The following BAHCC1 variants were observed in gnomAD, a reference collection of about 807,000 sequenced individuals.
BAHCC1 encodes BAH and coiled-coil domain-containing protein 1.
BAHCC1 carries 43 observed loss-of-function variants against 88.2 expected under a neutral mutation model. That is an observed-to-expected ratio of 0.49 (90% CI 0.38 to 0.63). The LOEUF is 0.63. BAHCC1 is among the 20% of genes least tolerant of loss of function. BAHCC1 has a pLI of 0.00. For missense variants in BAHCC1, 3,023 were observed against 1,654.8 expected (o/e 1.83, Z -14.34); for synonymous variants, 1,510 against 745.5 (o/e 2.03, Z -16.71).
intron 11 of BAHCC1, 151 bp from the exon 12 acceptor site, chr17:81,451,517 C>T: frequency 1.7e-6 from 1 of 602,926 alleles, no homozygotes; most frequent in African/African-American, 1.8e-5. Context: ...TGGGTGTCAG[C>T]CCTGGTGCCC....
chr17:81,457,269 C>A, intron 16 of BAHCC1, 141 bp from the exon 17 acceptor site: 1 of 619,998 alleles, frequency 1.6e-6, no homozygotes, highest in Non-Finnish European at 2.9e-6. Flanking sequence ...CAAAGCAGCC[C>A]CACAGAGCGG....
At chr17:81,437,269 C>T (rs1159541271) in intron 3 of BAHCC1, among the ~76,000 whole-genome samples, 1 of 152,270 alleles carries the variant, frequency 6.6e-6, no homozygotes, top group East Asian at 1.9e-4. Flanking sequence ...CAGCCAGCCG[C>T]TCGGCCCTCA....
intron 2 of BAHCC1, chr17:81,410,086 A>G: frequency 2.7e-6 from 1 of 372,924 alleles, no homozygotes; most frequent in African/African-American, 2.1e-5. Context: ...GCCCTGCTGG[A>G]GGGTTGAGTG....
rs2063943987 is a variant in BAHCC1 at position 81,411,075 on chromosome 17, C to G, written c.178+11158C>G. On this transcript the variant is annotated intron_variant, in intron 2 of 27. Transcript: ENST00000675386. The surrounding 1 kb of genome is among the most constrained non-coding windows in gnomAD (Gnocchi z 6.2). ...GCCTCCCCTCGGGCCTGAGGGGTCC[C>G]TCTCTCTGGGGTCACGCTCCCTTGT... 2 of 519,280 alleles carry G rather than the reference C, an allele frequency of 3.9e-6. No homozygotes were observed. Among genetic ancestry groups the G allele is most frequent in the Non-Finnish European group, 7.7e-6 (2 of 259,750 alleles). 32.2% of individuals were successfully genotyped at this position (519,280 alleles called of 1,614,324 possible).
At chr17:81,433,946 C>T (rs1251815164) in intron 3 of BAHCC1, among the ~76,000 whole-genome samples, 7 of 152,338 alleles carry the variant, frequency 4.6e-5, no homozygotes, top group South Asian at 2.1e-4. Flanking sequence ...TGCTGAGTTG[C>T]GGGCGGGTGG....
intron 2 of BAHCC1, among the ~76,000 whole-genome samples, chr17:81,423,996 G>A (rs1209968438): frequency 2.0e-5 from 3 of 152,246 alleles, no homozygotes; most frequent in African/African-American, 7.2e-5. Context: ...ACCCAGAGGT[G>A]AGCGCCATCC....
chr17:81,461,816 G>A lies in BAHCC1; in HGVS notation c.7153G>A (p.Ala2385Thr), dbSNP rs782815861. ...ALRSKGSGPH[A>T]HAQRCFLSRA... is the part of the protein sequence containing the mutation. ...GCGCTCCAAGGGCAGCGGCCCTCAC[G>A]CGCATGCCCAGCGCTGCTTCCTGTC... The change falls in exon 26 of 28, where the codon GCG becomes ACG. Residue 2385 changes from alanine to threonine, a missense_variant. Physicochemically the swap from Ala to Thr is moderately conservative, Grantham distance 58. Coordinates refer to ENST00000675386, the MANE Select transcript of BAHCC1 (RefSeq NM_001377448.1). 3.2e-5 allele frequency: 23 copies of A among 717,204 alleles called. No homozygotes were observed. Among genetic ancestry groups the A allele is most frequent in the Non-Finnish European group, 5.7e-5 (22 of 384,966 alleles). 44.4% of individuals were successfully genotyped at this position (717,204 alleles called of 1,614,324 possible).
At position 81,442,223 on chromosome 17, in the gene BAHCC1, G is replaced by A. The variant is rs1417470561; in HGVS notation, c.874G>A (p.Gly292Ser). 9.3e-6 allele frequency: 6 copies of A among 641,974 alleles called. No individual in the cohort carries two copies. The highest frequency in any genetic ancestry group is 2.5e-4 in the Middle Eastern group (1 of 3,938). The allele number at this position is 641,974 out of a possible 1,614,324, so 39.8% of individuals were successfully genotyped here. The change falls in exon 5 of 28, where the codon GGC becomes AGC. Residue 292 changes from glycine (G) to serine (S), a missense_variant. Coordinates refer to ENST00000675386, the MANE Select transcript of BAHCC1 (RefSeq NM_001377448.1). Reference sequence around the variant, plus strand: ...CCTCCTCAACACCAAGGTGCTCAACGGCGAGATGGGCAGGGCTGCGCTAGC... The same window carrying A: ...CCTCCTCAACACCAAGGTGCTCAACAGCGAGATGGGCAGGGCTGCGCTAGC... ...SCLLNTKVLNGEMGRAALASC... is the reference protein window; with the variant it reads ...SCLLNTKVLNSEMGRAALASC...
At chr17:81,418,047 G>T (rs914045066) in intron 2 of BAHCC1, among the ~76,000 whole-genome samples, 3 of 152,248 alleles carry the variant, frequency 2.0e-5, no homozygotes, top group Non-Finnish European at 4.4e-5. Context: ...TGGTGGGGAG[G>T]TTTGGTGGCC....
chr17:81,438,512 G>C lies in BAHCC1; in HGVS notation c.481+20G>C. The C allele has an allele frequency of 2.6e-6, 2 of 758,328 alleles. No individual in the cohort carries two copies. Among genetic ancestry groups the C allele is most frequent in the African/African-American group, 1.7e-5 (1 of 58,932 alleles). 47.0% of individuals were successfully genotyped at this position (758,328 alleles called of 1,614,324 possible). A position where few individuals can be genotyped will look rare whatever the true frequency, so the allele number is the denominator to read the frequency against. ...AAAAAGGCAAGTGCAGCATGGGACCGGCGTGGGGAGCAGGCATGCTGGAGG... is the reference window on the plus strand; with the variant it reads ...AAAAAGGCAAGTGCAGCATGGGACCCGCGTGGGGAGCAGGCATGCTGGAGG... On this transcript the variant is annotated intron_variant, in intron 4 of 27. Transcript: ENST00000675386.
chr17:81,422,358 CAT>C (rs1179591697), intron 2 of BAHCC1, among the ~76,000 whole-genome samples: 3 of 152,300 alleles, frequency 2.0e-5, no homozygotes, highest in Non-Finnish European at 4.4e-5. Flanking sequence ...AATACAAAGA[CAT>C]AATGTTTGTA....
rs1269569992 is a variant in BAHCC1, at chr17:81,399,556, G to A, written c.-184G>A. 1.8e-5 allele frequency: 7 copies of A among 385,082 alleles called. No individual in the cohort carries two copies. Among genetic ancestry groups the A allele is most frequent in the African/African-American group, 2.2e-5 (1 of 45,084 alleles). 23.9% of individuals were successfully genotyped at this position (385,082 alleles called of 1,614,324 possible). Reference sequence around the variant, plus strand: ...CAGACCATGGACCCGCACAGCGGCCGCTGGCTCGGTGCGCGGCCGCCCGCC... The same window carrying A: ...CAGACCATGGACCCGCACAGCGGCCACTGGCTCGGTGCGCGGCCGCCCGCC... On this transcript the variant is annotated 5_prime_UTR_variant, in exon 2 of 28. Coordinates refer to ENST00000675386, the MANE Select transcript of BAHCC1 (RefSeq NM_001377448.1). This position sits in a 1 kb window ranked among gnomAD's most constrained non-coding sequence, Gnocchi z 4.5.
Position 81,399,663 on chromosome 17 carries a change from C to A in BAHCC1, c.-77C>A. On this transcript the variant is annotated 5_prime_UTR_variant, in exon 2 of 28. Coordinates refer to ENST00000675386, the MANE Select transcript of BAHCC1 (RefSeq NM_001377448.1). The surrounding 1 kb of genome is among the most constrained non-coding windows in gnomAD (Gnocchi z 4.5). ...CCCGGACGCCGCCGCCTCTGCGCCGCCCGCGCGCCGAGCCGCCCCCGGGCC... is the reference window on the plus strand; with the variant it reads ...CCCGGACGCCGCCGCCTCTGCGCCGACCGCGCGCCGAGCCGCCCCCGGGCC... 1 of 923,698 alleles carries A rather than the reference C, an allele frequency of 1.1e-6. No homozygotes were observed. The highest frequency in any genetic ancestry group is 1.3e-6 in the Non-Finnish European group (1 of 772,738). 57.2% of individuals were successfully genotyped at this position (923,698 alleles called of 1,614,324 possible). A position where few individuals can be genotyped will look rare whatever the true frequency, so the allele number is the denominator to read the frequency against.
chr17:81,461,730 T>G lies in BAHCC1; in HGVS notation c.7067T>G (p.Leu2356Arg). Residue 2356 changes from leucine (L) to arginine (R), a missense_variant, in exon 26 of 28, where the codon CTG becomes CGG. Leu to Arg is a moderately radical substitution (Grantham distance 102). Coordinates refer to ENST00000675386, the MANE Select transcript of BAHCC1 (RefSeq NM_001377448.1). ...SYSSDDEDPA[L>R]LLQTCLTHPV... Reference sequence around the variant, plus strand: ...AGCTCAGACGACGAGGACCCGGCTCTGCTGCTGCAGACCTGCCTCACCCAC... The same window carrying G: ...AGCTCAGACGACGAGGACCCGGCTCGGCTGCTGCAGACCTGCCTCACCCAC... The G allele has an allele frequency of 1.4e-6, 1 of 718,576 alleles. No homozygotes were observed. Among genetic ancestry groups the G allele is most frequent in the Non-Finnish European group, 2.6e-6 (1 of 385,776 alleles). The allele number at this position is 718,576 out of a possible 1,614,324, so 44.5% of individuals were successfully genotyped here. A position where few individuals can be genotyped will look rare whatever the true frequency, so the allele number is the denominator to read the frequency against.
chr17:81,403,516 C>CA (rs1555646404), intron 2 of BAHCC1, among the ~76,000 whole-genome samples: 1 of 151,110 alleles, frequency 6.6e-6, no homozygotes, highest in East Asian at 1.9e-4. Flanking sequence ...TACCAAAAAA[C>CA]ACAACCAAAA....
chr17:81,422,819 G>A, intron 2 of BAHCC1: 1 of 431,416 alleles, frequency 2.3e-6, no homozygotes, highest in Non-Finnish European at 4.7e-6. Context: ...AGGCGGGAGG[G>A]ACTTCCCCAG....
intron 2 of BAHCC1, chr17:81,422,837 TG>T: frequency 2.5e-6 from 1 of 398,908 alleles, no homozygotes; most frequent in South Asian, 1.8e-5. Context: ...CAGGAGGGTG[TG>T]GGGGTGGGAA....
At position 81,434,744 on chromosome 17, in the gene BAHCC1, T is replaced by G. The variant is rs868925951; in HGVS notation, c.359-3626T>G. Among the ~76,000 whole-genome samples the G allele has an allele frequency of 7.5e-4, 114 of 152,102 alleles. No homozygotes were observed. The Middle Eastern group carries it at 0.024, about 32-fold the overall frequency. On this transcript the variant is annotated intron_variant, in intron 3 of 27. Coordinates refer to ENST00000675386, the MANE Select transcript of BAHCC1 (RefSeq NM_001377448.1). The surrounding 1 kb of genome is among the most constrained non-coding windows in gnomAD (Gnocchi z 4.9). ...AGGGATGCTCCCTGGAAGGGCAGCC[T>G]GGGGGGTGGGTTGTGGCCACCTCCC... is the stretch of plus-strand genomic sequence containing the variant.
rs1008067787 is a variant in BAHCC1 at position 81,452,741 on chromosome 17, G to A, written c.4335G>A (p.Arg1445=). The change falls in exon 14 of 28, where the codon CGG becomes CGA. Residue 1445 remains arginine (R), a synonymous_variant. Transcript: ENST00000675386. Reference sequence around the variant, plus strand: ...CCCCCAGGAGAGACGAGAGTTCACGGAGCCCTGCACGGCGGGGGCCTGGCC... The same window carrying A: ...CCCCCAGGAGAGACGAGAGTTCACGAAGCCCTGCACGGCGGGGGCCTGGCC... ...KHDHERDESS[R]SPARRGPGRP... 1.3e-6 allele frequency: 1 copy of A among 753,452 alleles called. No individual in the cohort carries two copies. The highest frequency in any genetic ancestry group is 2.5e-6 in the Non-Finnish European group (1 of 407,242). The allele number at this position is 753,452 out of a possible 1,614,324, so 46.7% of individuals were successfully genotyped here. A position where few individuals can be genotyped will look rare whatever the true frequency, so the allele number is the denominator to read the frequency against.
Sources: allele counts gnomAD v4.1 joint callset (sites outside exome capture counted in the v4.1 genomes callset), GRCh38; gene constraint gnomAD v4.1.1; non-coding constraint Gnocchi (gnomAD v3.1); transcripts MANE v1.5; gene names NCBI Gene and HGNC (gene_info 2026-07-23, HGNC 2026-07-21).